The following BNIP2 variants were observed in gnomAD, a reference collection of about 807,000 sequenced individuals.
The protein encoded by BNIP2 is BCL2 interacting protein 2.
In BNIP2, 36 loss-of-function variants were observed where a neutral mutation model predicts 43.4. The ratio of observed to expected loss-of-function variants is 0.83; its 90% confidence interval spans 0.64 to 1.10. The LOEUF is 1.10. Among genes scored for constraint, BNIP2 ranks in the 50% least tolerant of loss-of-function variants. The probability of loss-of-function intolerance (pLI) is 0.00; values close to 1 mark genes in which losing one functional copy is unlikely to be tolerated. For missense variants in BNIP2, 417 were observed against 374.1 expected (o/e 1.11, Z -0.95); for synonymous variants, 146 against 121.0 (o/e 1.21, Z -1.35).
chr15:59,676,478 C>T (rs1216816799), intron 5 of BNIP2, among the ~76,000 whole-genome samples: 14 of 152,062 alleles, frequency 9.2e-5, no homozygotes, highest in African/African-American at 2.7e-4. Context: ...CCTGAGCCAC[C>T]GTGCCCAACC....
intron 5 of BNIP2, 136 bp from the exon 6 acceptor site, chr15:59,672,875 A>T: frequency 1.7e-6 from 1 of 597,420 alleles, no homozygotes; most frequent in Middle Eastern, 3.9e-4. Context: ...ATGTTTTGTA[A>T]ATCTTATATG....
At chr15:59,677,442 A>G in intron 5 of BNIP2, 1 of 1,435,436 alleles carries the variant, frequency 7.0e-7, no homozygotes, top group Non-Finnish European at 9.2e-7. Flanking sequence ...TTATGGATAT[A>G]GTGCATCTCA....
intron 1 of BNIP2, among the ~76,000 whole-genome samples, chr15:59,684,058 T>G (rs1192219414): frequency 6.6e-6 from 1 of 152,258 alleles, no homozygotes; most frequent in Non-Finnish European, 1.5e-5. Flanking sequence ...GAAAAAAGCC[T>G]TATGTTCCGT....
intron 5 of BNIP2, among the ~76,000 whole-genome samples, chr15:59,675,393 G>A (rs567545791): frequency 6.6e-6 from 1 of 151,822 alleles, no homozygotes; most frequent in Non-Finnish European, 1.5e-5. Context: ...AGCAAATCAC[G>A]AGGTCAGGTG....
At chr15:59,671,623 C>T (rs1297144985) in intron 6 of BNIP2, among the ~76,000 whole-genome samples, 1 of 152,132 alleles carries the variant, frequency 6.6e-6, no homozygotes. Context: ...ATATACTTCT[C>T]TTTACCCCTG....
chr15:59,677,043 G>C (rs1595699634), intron 5 of BNIP2: 2 of 1,611,782 alleles, frequency 1.2e-6, no homozygotes. Context: ...TGATTCCCTT[G>C]GCATTCAGAT....
At chr15:59,678,764 G>A (rs543662197) in intron 4 of BNIP2, 71 of 1,295,412 alleles carry the variant, frequency 5.5e-5, no homozygotes, top group Non-Finnish European at 7.2e-5. Context: ...ATGGGGGGAG[G>A]GGGAAACCTA....
At position 59,664,116 on chromosome 15, in the gene BNIP2, C is replaced by G. The variant is rs1892424499; in HGVS notation, c.898G>C (p.Asp300His). 6.5e-7 allele frequency: 1 copy of G among 1,538,518 alleles called. No individual in the cohort carries two copies. The highest frequency in any genetic ancestry group is 8.8e-7 in the Non-Finnish European group (1 of 1,137,654). Residue 300 changes from aspartate to histidine, a missense_variant, in exon 10 of 10, where the codon GAT becomes CAT. Physicochemically the swap from Asp to His is moderately conservative, Grantham distance 81. Coordinates refer to ENST00000607373, the MANE Select transcript of BNIP2 (RefSeq NM_004330.4). ...TCTTGTTTTCCATTAAGTTCTTGAT[C>G]AACTCTGTTTAATGAAGAATATATA... ...VGIPECIKQV[D>H]QELNGKQDEP...
intron 5 of BNIP2, chr15:59,677,046 A>G: frequency 6.2e-7 from 1 of 1,612,052 alleles, no homozygotes; most frequent in Non-Finnish European, 8.5e-7. Context: ...TTCCCTTGGC[A>G]TTCAGATGAC....
Position 59,677,885 on chromosome 15 carries a change from T to C in BNIP2, c.472+26A>G, listed in dbSNP as rs1037333646. 8.2e-6 allele frequency: 13 copies of C among 1,577,376 alleles called. No individual in the cohort carries two copies. In the African/African-American group the frequency reaches 1.5e-4, roughly 18 times the overall value. On this transcript the variant is annotated intron_variant, in intron 5 of 9. Coordinates refer to ENST00000607373, the MANE Select transcript of BNIP2 (RefSeq NM_004330.4). ...AGAATTCTGATATTGCATTAAACAA[T>C]CTGAAAAATCCTCAGTAACTCTTAC...
chr15:59,663,968 C>G lies in BNIP2; in HGVS notation c.*101G>C, dbSNP rs1288787707. ...TGAAAAAGTCAAGTCTATTTTGTAACAGGTTACATAAAAATATGGGCCAAT... is the reference window on the plus strand; with the variant it reads ...TGAAAAAGTCAAGTCTATTTTGTAAGAGGTTACATAAAAATATGGGCCAAT... On this transcript the variant is annotated 3_prime_UTR_variant, in exon 10 of 10. Transcript: ENST00000607373. 3 of 914,068 alleles carry G rather than the reference C, an allele frequency of 3.3e-6. No individual in the cohort carries two copies. The highest frequency in any genetic ancestry group is 4.8e-6 in the Non-Finnish European group (3 of 624,116). The allele number at this position is 914,068 out of a possible 1,614,324, so 56.6% of individuals were successfully genotyped here.
At chr15:59,685,803 C>T (rs994488334) in intron 1 of BNIP2, among the ~76,000 whole-genome samples, 3 of 152,124 alleles carry the variant, frequency 2.0e-5, no homozygotes, top group Non-Finnish European at 2.9e-5. Flanking sequence ...AGTACTGTTT[C>T]TTGGAAGCAC....
intron 9 of BNIP2, among the ~76,000 whole-genome samples, chr15:59,664,702 A>C (rs1892465451): frequency 6.6e-6 from 1 of 152,160 alleles, no homozygotes; most frequent in African/African-American, 2.4e-5. Flanking sequence ...TAAAAGTTCA[A>C]ATTACATGGC....
rs1019939931 is a variant in BNIP2 at position 59,671,036 on chromosome 15, G to C, written c.707+147C>G. ...TGCGGTGAACCGAGATTGTGCCATTGCACTCCAGCCTGGGCAACAAGAGTG... is the reference window on the plus strand; with the variant it reads ...TGCGGTGAACCGAGATTGTGCCATTCCACTCCAGCCTGGGCAACAAGAGTG... On this transcript the variant is annotated intron_variant, in intron 7 of 9. Coordinates refer to ENST00000607373, the MANE Select transcript of BNIP2 (RefSeq NM_004330.4). The C allele has an allele frequency of 1.3e-5, 9 of 674,078 alleles. No individual in the cohort carries two copies. The Admixed American group carries it at 1.3e-4, about 10-fold the overall frequency. The allele number at this position is 674,078 out of a possible 1,614,324, so 41.8% of individuals were successfully genotyped here.
intron 4 of BNIP2, chr15:59,678,825 CAG>C: frequency 7.7e-7 from 1 of 1,302,772 alleles, no homozygotes; most frequent in Non-Finnish European, 1.0e-6. Context: ...AATATCCTTC[CAG>C]GAAATGACTA....
rs867944366 is a variant in BNIP2 at position 59,663,694 on chromosome 15, T to C, written c.*375A>G. ...TAAGACAGGTACACATTAAAAAATA[T>C]TGCTCAATGACATAAAAATATATAT... On this transcript the variant is annotated 3_prime_UTR_variant, in exon 10 of 10. Transcript: ENST00000607373. 23 of 157,434 alleles carry C rather than the reference T, an allele frequency of 1.5e-4. No homozygotes were observed. In the Middle Eastern group the frequency reaches 0.012, roughly 83 times the overall value. 9.8% of individuals were successfully genotyped at this position (157,434 alleles called of 1,614,324 possible).
intron 1 of BNIP2, among the ~76,000 whole-genome samples, chr15:59,687,671 C>T (rs931971690): frequency 3.3e-5 from 5 of 152,222 alleles, no homozygotes; most frequent in Non-Finnish European, 7.4e-5. Flanking sequence ...AGCCCGGTAA[C>T]TTACTAGATC....
rs567312593 is a variant in BNIP2, at chr15:59,675,827, T to A, written c.472+2084A>T. Among the ~76,000 whole-genome samples the A allele has an allele frequency of 4.6e-5, 7 of 152,264 alleles. No individual in the cohort carries two copies. The South Asian group carries it at 1.5e-3, about 32-fold the overall frequency. On this transcript the variant is annotated intron_variant, in intron 5 of 9. Coordinates refer to ENST00000607373, the MANE Select transcript of BNIP2 (RefSeq NM_004330.4). ...GGATACGTGCAACAACATGGATGAA[T>A]CTCAAAAACTTCATGCTGAAAAGTA... is the stretch of plus-strand genomic sequence containing the variant.
chr15:59,660,673 A>C lies in BNIP2; in HGVS notation c.*3396T>G, dbSNP rs1432504527. ...AAATTCTGGAATTACGGTTAAAAAA[A>C]TTCTAGCTACAGATATATGCTTGCC... On this transcript the variant is annotated 3_prime_UTR_variant, in exon 10 of 10. Coordinates refer to ENST00000607373, the MANE Select transcript of BNIP2 (RefSeq NM_004330.4). The C allele has an allele frequency of 6.6e-6, 1 of 152,230 alleles. No homozygotes were observed. Among genetic ancestry groups the C allele is most frequent in the Non-Finnish European group, 1.5e-5 (1 of 68,032 alleles). 9.4% of individuals were successfully genotyped at this position (152,230 alleles called of 1,614,324 possible). A position where few individuals can be genotyped will look rare whatever the true frequency, so the allele number is the denominator to read the frequency against.
Sources: gnomAD v4.1 joint callset for allele counts (sites outside exome capture counted in the v4.1 genomes callset) on GRCh38, gnomAD v4.1.1 for gene constraint, MANE v1.5 for transcripts, NCBI Gene and HGNC (gene_info 2026-07-23, HGNC 2026-07-21) for gene names.